PDPK1: variants seen among roughly 807,000 people sequenced by gnomAD.
The protein encoded by PDPK1 is 3-phosphoinositide-dependent protein kinase 1.
A neutral mutation model predicts 39.8 loss-of-function variants in PDPK1; 7 were observed. The observed-to-expected ratio is 0.18, with a 90% CI of 0.10 to 0.33. The LOEUF is 0.33. PDPK1 is among the 10% of genes least tolerant of loss of function. PDPK1 has a pLI of 1.00. For synonymous variants in PDPK1, 118 were observed against 159.1 expected (o/e 0.74, Z 1.95); for missense variants, 182 against 384.7 (o/e 0.47, Z 4.41).
intron 10 of PDPK1, among the ~76,000 whole-genome samples, chr16:2,585,124 T>C (rs564084545): frequency 1.3e-5 from 2 of 152,268 alleles, no homozygotes; most frequent in South Asian, 2.1e-4. Context: ...CCTGGGGAGC[T>C]TCTCTGAGTG....
Position 2,538,705 on chromosome 16 carries a change from C to T in PDPK1, c.24+569C>T, listed in dbSNP as rs1047826588. The stretch of plus-strand genomic sequence containing the variant: ...TGCTTTTGCTGCCCGTGGCTGTGCT[C>T]AGCGTTGTGGGAAGCCCCTGGGAGG... On this transcript the variant is annotated intron_variant, in intron 1 of 13. Coordinates refer to ENST00000342085, the MANE Select transcript of PDPK1 (RefSeq NM_002613.5). The T allele has an allele frequency of 4.4e-5, 57 of 1,286,230 alleles. No individual in the cohort carries two copies. In the Middle Eastern group the frequency reaches 6.4e-4, roughly 14 times the overall value. 79.7% of individuals were successfully genotyped at this position (1,286,230 alleles called of 1,614,324 possible).
Position 2,538,036 on chromosome 16 carries a change from C to T in PDPK1, c.-77C>T, listed in dbSNP as rs2066168596. 1 of 653,872 alleles carries T rather than the reference C, an allele frequency of 1.5e-6. No homozygotes were observed. The highest frequency in any genetic ancestry group is 1.9e-6 in the Non-Finnish European group (1 of 520,110). The allele number at this position is 653,872 out of a possible 1,614,324, so 40.5% of individuals were successfully genotyped here. On this transcript the variant is annotated 5_prime_UTR_variant, in exon 1 of 14. Transcript: ENST00000342085. ...GAGGGCGGCCATTGCTGGGGCTCCG[C>T]TTCGGGGAGGAGGACGCTGAGGAGG...
rs574574151 is a variant in PDPK1, at chr16:2,600,348, G to A, written c.*2581G>A. ...GTGGAATGTCGGGACCACACTGTGC[G>A]GCTTCTCGGCACAAAGCGGAGGGAG... On this transcript the variant is annotated 3_prime_UTR_variant, in exon 14 of 14. Transcript: ENST00000342085. 5.6e-5 allele frequency: 13 copies of A among 233,228 alleles called. No homozygotes were observed. The highest frequency in any genetic ancestry group is 1.8e-4 in the African/African-American group (8 of 45,344). The allele number at this position is 233,228 out of a possible 1,614,324, so 14.4% of individuals were successfully genotyped here.
intron 11 of PDPK1, among the ~76,000 whole-genome samples, chr16:2,588,750 G>T (rs936172228): frequency 4.6e-5 from 7 of 152,156 alleles, no homozygotes; most frequent in Non-Finnish European, 1.5e-5. Flanking sequence ...TCCAGCACCT[G>T]CTCTTTACAG....
Position 2,601,823 on chromosome 16 carries a change from G to A in PDPK1, c.*4056G>A. The A allele has an allele frequency of 4.4e-6, 1 of 228,446 alleles. No individual in the cohort carries two copies. The highest frequency in any genetic ancestry group is 8.7e-6 in the Non-Finnish European group (1 of 114,712). The allele number at this position is 228,446 out of a possible 1,614,324, so 14.2% of individuals were successfully genotyped here. A position where few individuals can be genotyped will look rare whatever the true frequency, so the allele number is the denominator to read the frequency against. ...TTCAGGCCGCCCCCCCCAACTCCCTGCCCACAGTGTTGCAGATTGCCTGGC... is the reference window on the plus strand; with the variant it reads ...TTCAGGCCGCCCCCCCCAACTCCCTACCCACAGTGTTGCAGATTGCCTGGC... On this transcript the variant is annotated 3_prime_UTR_variant, in exon 14 of 14. Coordinates refer to ENST00000342085, the MANE Select transcript of PDPK1 (RefSeq NM_002613.5).
Position 2,597,843 on chromosome 16 carries a change from TC to T in PDPK1, c.*78del. 2.2e-6 allele frequency: 2 copies of T among 897,712 alleles called. No homozygotes were observed. Among genetic ancestry groups the T allele is most frequent in the East Asian group, 2.5e-5 (1 of 40,066 alleles). The allele number at this position is 897,712 out of a possible 1,614,324, so 55.6% of individuals were successfully genotyped here. A position where few individuals can be genotyped will look rare whatever the true frequency, so the allele number is the denominator to read the frequency against. Reference sequence around the variant, plus strand: ...CGGCTTGGCCGCCATCCGGGACGCTTCCAGACCACCTGCCAGCCATCACAAG... The same window carrying T: ...CGGCTTGGCCGCCATCCGGGACGCTTCAGACCACCTGCCAGCCATCACAAG... On this transcript the variant is annotated 3_prime_UTR_variant, in exon 14 of 14. Transcript: ENST00000342085. This position sits in a 1 kb window ranked among gnomAD's most constrained non-coding sequence, Gnocchi z 6.3.
chr16:2,586,661 CCTT>C lies in PDPK1; in HGVS notation c.1126-9_1126-7del, dbSNP rs770435052. On this transcript the variant is annotated splice_polypyrimidine_tract_variant and intron_variant, in intron 10 of 13. Coordinates refer to ENST00000342085, the MANE Select transcript of PDPK1 (RefSeq NM_002613.5). ...AAGTGAAGGTGCGGTTCTCACTTTC[CCTT>C]CTTCTCTGCAGTATGACAATCTCCT... 3 of 1,612,012 alleles carry C rather than the reference CCTT, an allele frequency of 1.9e-6. No homozygotes were observed. Among genetic ancestry groups the C allele is most frequent in the Admixed American group, 1.7e-5 (1 of 60,030 alleles).
At position 2,586,720 on chromosome 16, in the gene PDPK1, G is replaced by T; in HGVS notation, c.1170G>T (p.Ser390=). 2 of 1,614,212 alleles carry T rather than the reference G, an allele frequency of 1.2e-6. No individual in the cohort carries two copies. Among genetic ancestry groups the T allele is most frequent in the African/African-American group, 2.7e-5 (2 of 75,058 alleles). The change falls in exon 11 of 14, where the codon TCG becomes TCT. Residue 390 remains serine, a synonymous_variant. Transcript: ENST00000342085. ...LSQFGCMQVS[S]SSSSHSLSAS... ...AGTTTGGCTGCATGCAGGTGTCTTC[G>T]TCCTCCTCCTCACACTCCCTGTCAG...
In PDPK1 at chr16:2,602,850, T is replaced by G. The variant is rs1264510211; in HGVS notation, c.*5083T>G. 3.0e-5 allele frequency: 7 copies of G among 233,722 alleles called. No individual in the cohort carries two copies. The highest frequency in any genetic ancestry group is 1.2e-3 in the Middle Eastern group (1 of 804). The allele number at this position is 233,722 out of a possible 1,614,324, so 14.5% of individuals were successfully genotyped here. On this transcript the variant is annotated 3_prime_UTR_variant, in exon 14 of 14. Transcript: ENST00000342085. ...ACACTTTTGTATTTTTATTCTTATA[T>G]AAGGTTATTTGCTGGCTATTGTTGG...
At position 2,597,481 on chromosome 16, in the gene PDPK1, CTG is replaced by C. The variant is rs757954456; in HGVS notation, c.1555-169_1555-168del. On this transcript the variant is annotated intron_variant, in intron 13 of 13. Transcript: ENST00000342085. This position sits in a 1 kb window ranked among gnomAD's most constrained non-coding sequence, Gnocchi z 6.3. ...TGCTTGTTTTTCAGTTTGGTGGTGA[CTG>C]GGGGTGGTGGTCATCAGCCTGTGTA... Among the ~76,000 whole-genome samples the C allele has an allele frequency of 2.0e-5, 3 of 152,152 alleles. No individual in the cohort carries two copies. In the East Asian group the frequency reaches 5.8e-4, roughly 29 times the overall value.
intron 11 of PDPK1, among the ~76,000 whole-genome samples, chr16:2,591,322 C>T (rs1436405841): frequency 1.3e-5 from 2 of 152,178 alleles, no homozygotes; most frequent in African/African-American, 4.8e-5. Flanking sequence ...CGTTTGGAAG[C>T]TTTACATCAT....
intron 11 of PDPK1, chr16:2,592,993 G>C: frequency 2.2e-6 from 1 of 456,702 alleles, no homozygotes. Context: ...TGACACTGCT[G>C]GGAGTGCCTC....
intron 11 of PDPK1, among the ~76,000 whole-genome samples, chr16:2,590,596 G>A (rs373358903): frequency 6.6e-6 from 1 of 152,092 alleles, no homozygotes; most frequent in Non-Finnish European, 1.5e-5. Flanking sequence ...CGGGCAAACC[G>A]CCGTTATGCA....
At position 2,599,757 on chromosome 16, in the gene PDPK1, T is replaced by G. The variant is rs1377499956; in HGVS notation, c.*1990T>G. The G allele has an allele frequency of 1.3e-5, 2 of 152,800 alleles. No homozygotes were observed. The highest frequency in any genetic ancestry group is 9.7e-5 in the Admixed American group (1 of 10,316). 9.5% of individuals were successfully genotyped at this position (152,800 alleles called of 1,614,324 possible). A position where few individuals can be genotyped will look rare whatever the true frequency, so the allele number is the denominator to read the frequency against. ...CATCTCAGAACGTCCTGTGTCTCCA[T>G]GTAGGAGAGTGGCTCTCTCAGATCT... On this transcript the variant is annotated 3_prime_UTR_variant, in exon 14 of 14. Transcript: ENST00000342085.
chr16:2,541,615 C>G (rs1278466730), intron 1 of PDPK1, among the ~76,000 whole-genome samples: 4 of 152,162 alleles, frequency 2.6e-5, no homozygotes, highest in Non-Finnish European at 5.9e-5. Flanking sequence ...CTGCTCCACA[C>G]CTGCTGTGCG....
chr16:2,552,146 T>A (rs2066426537), intron 1 of PDPK1, among the ~76,000 whole-genome samples: 1 of 150,440 alleles, frequency 6.6e-6, no homozygotes, highest in Non-Finnish European at 1.5e-5. Flanking sequence ...TTTTTATATA[T>A]TTTTTTGTAG....
At position 2,603,179 on chromosome 16, in the gene PDPK1, G is replaced by A; in HGVS notation, c.*5412G>A. 4.7e-6 allele frequency: 1 copy of A among 213,084 alleles called. No homozygotes were observed. Among genetic ancestry groups the A allele is most frequent in the African/African-American group, 2.3e-5 (1 of 44,220 alleles). The allele number at this position is 213,084 out of a possible 1,614,324, so 13.2% of individuals were successfully genotyped here. ...TCAGTAGTCTTGTAATAAAAAGCAT[G>A]TAGAGTGTAGAGGTTTGCTGGCGTG... On this transcript the variant is annotated 3_prime_UTR_variant, in exon 14 of 14. Transcript: ENST00000342085.
At position 2,598,121 on chromosome 16, in the gene PDPK1, C is replaced by T. The variant is rs1048097481; in HGVS notation, c.*354C>T. The T allele has an allele frequency of 3.4e-5, 11 of 319,780 alleles. No individual in the cohort carries two copies. Among genetic ancestry groups the T allele is most frequent in the East Asian group, 1.6e-4 (3 of 19,318 alleles). 19.8% of individuals were successfully genotyped at this position (319,780 alleles called of 1,614,324 possible). The stretch of plus-strand genomic sequence containing the variant: ...TCACCAGTTTTTCCTAGCATCAGTC[C>T]GAACCATGCGCCCGCCCTGCCCCAA... On this transcript the variant is annotated 3_prime_UTR_variant, in exon 14 of 14. Coordinates refer to ENST00000342085, the MANE Select transcript of PDPK1 (RefSeq NM_002613.5).
At chr16:2,585,139 G>A (rs1454119270) in intron 10 of PDPK1, among the ~76,000 whole-genome samples, 1 of 152,322 alleles carries the variant, frequency 6.6e-6, no homozygotes, top group South Asian at 2.1e-4. Context: ...TGAGTGTGGG[G>A]GTGTGTGTGC....
Sources: allele counts gnomAD v4.1 joint callset (sites outside exome capture counted in the v4.1 genomes callset), GRCh38; gene constraint gnomAD v4.1.1; non-coding constraint Gnocchi (gnomAD v3.1); transcripts MANE v1.5; gene names NCBI Gene and HGNC (gene_info 2026-07-23, HGNC 2026-07-21).